CRY1: variants seen among roughly 807,000 people sequenced by gnomAD.
CRY1 encodes the protein cryptochrome circadian regulator 1.
CRY1 carries 45 observed loss-of-function variants against 76.0 expected under a neutral mutation model. The ratio of observed to expected loss-of-function variants is 0.59; its 90% CI spans 0.47 to 0.76. The LOEUF (loss-of-function observed/expected upper bound fraction) is 0.76. CRY1 is among the 30% of genes least tolerant of loss of function. The pLI, the probability that CRY1 is intolerant of heterozygous loss-of-function variation, is 0.00. For missense variants in CRY1, 587 were observed against 716.4 expected, an observed-to-expected ratio of 0.82 and a Z score of 2.06; for synonymous variants, 248 against 244.0, an observed-to-expected ratio of 1.02 and a Z score of -0.15.
At chr12:107,010,430 C>G (rs978106519) in intron 2 of CRY1, among the ~76,000 whole-genome samples, 20 of 152,180 alleles carry the variant, frequency 1.3e-4, no homozygotes, top group African/African-American at 4.1e-4. Flanking sequence ...ATTTATTGCA[C>G]TTCTCAGATA....
rs115638052 is a variant in CRY1 at position 107,048,425 on chromosome 12, A to T, written c.159-26233T>A. 8.1e-3 allele frequency among the ~76,000 whole-genome samples: 1,230 copies of T among 152,076 alleles called. 11 individuals are homozygous for T. Among genetic ancestry groups the T allele is most frequent in the African/African-American group, 0.028 (1,152 of 41,492 alleles). On this transcript the variant is annotated intron_variant, in intron 1 of 12. Transcript: ENST00000008527. ...ATACTTATGGTTTCTATTGCTCTTTATATCTTTCTGTATCTCTGTATTTCT... is the reference window on the plus strand; with the variant it reads ...ATACTTATGGTTTCTATTGCTCTTTTTATCTTTCTGTATCTCTGTATTTCT...
chr12:107,062,037 A>AG (rs1953054247), intron 1 of CRY1, among the ~76,000 whole-genome samples: 1 of 150,050 alleles, frequency 6.7e-6, no homozygotes, highest in Non-Finnish European at 1.5e-5. Flanking sequence ...AAAAAAAAAA[A>AG]AAAAAAAGAA....
chr12:107,093,204 C>T lies in CRY1; in HGVS notation c.-243G>A. 1 of 447,010 alleles carries T rather than the reference C, an allele frequency of 2.2e-6. No homozygotes were observed. Among genetic ancestry groups the T allele is most frequent in the Non-Finnish European group, 3.9e-6 (1 of 257,280 alleles). 27.7% of individuals were successfully genotyped at this position (447,010 alleles called of 1,614,324 possible). A position where few individuals can be genotyped will look rare whatever the true frequency, so the allele number is the denominator to read the frequency against. ...GTCCGGGTGTGACGCCCTTTAGGAG[C>T]CCGCGCCCGCCGCAACCGCCTGGAG... On this transcript the variant is annotated 5_prime_UTR_variant, in exon 1 of 13. Coordinates refer to ENST00000008527, the MANE Select transcript of CRY1 (RefSeq NM_004075.5).
At chr12:107,091,265 C>T (rs1040868284) in intron 1 of CRY1, among the ~76,000 whole-genome samples, 9 of 152,072 alleles carry the variant, frequency 5.9e-5, no homozygotes, top group South Asian at 4.1e-4. Context: ...AGGCTGGTCT[C>T]GAACTCCTGG....
intron 1 of CRY1, among the ~76,000 whole-genome samples, chr12:107,055,113 T>G (rs1282681208): frequency 6.6e-6 from 1 of 152,050 alleles, no homozygotes; most frequent in Non-Finnish European, 1.5e-5. Context: ...TGGAACATTT[T>G]TAAAAATTCA....
intron 7 of CRY1, among the ~76,000 whole-genome samples, chr12:106,999,140 G>A (rs1325508692): frequency 6.6e-6 from 1 of 151,220 alleles, no homozygotes; most frequent in Non-Finnish European, 1.5e-5. Context: ...CATAATAGAA[G>A]TATTACTAAA....
intron 10 of CRY1, among the ~76,000 whole-genome samples, chr12:106,993,648 C>T (rs12820777): frequency 0.044 from 6,669 of 152,026 alleles, 189 homozygotes; most frequent in Admixed American, 0.073. Flanking sequence ...GACCTATCCA[C>T]GAGCAGGTGG....
Position 107,093,501 on chromosome 12 carries a change from T to C in CRY1, c.-540A>G, listed in dbSNP as rs574739507. 6.6e-6 allele frequency: 1 copy of C among 152,356 alleles called. No homozygotes were observed. The highest frequency in any genetic ancestry group is 6.5e-5 in the Admixed American group (1 of 15,308). The allele number at this position is 152,356 out of a possible 1,614,324, so 9.4% of individuals were successfully genotyped here. A position where few individuals can be genotyped will look rare whatever the true frequency, so the allele number is the denominator to read the frequency against. On this transcript the variant is annotated 5_prime_UTR_variant, in exon 1 of 13. Transcript: ENST00000008527. ...GGCTAGAGGCGGTGGTCGAGGCCGC[T>C]GGACGGTTGCCGGCCGGTGACCGGT... is the stretch of plus-strand genomic sequence containing the variant.
At chr12:107,049,163 A>G (rs1478145703) in intron 1 of CRY1, among the ~76,000 whole-genome samples, 1 of 152,204 alleles carries the variant, frequency 6.6e-6, no homozygotes, top group South Asian at 2.1e-4. Flanking sequence ...AAGCTGAAAT[A>G]GTCCAGGGCT....
chr12:106,996,867 A>C (rs1422551244), intron 10 of CRY1, among the ~76,000 whole-genome samples: 1 of 152,224 alleles, frequency 6.6e-6, no homozygotes, highest in Non-Finnish European at 1.5e-5. Context: ...AGAAAAACTT[A>C]TGTGCAAAAA....
At chr12:107,072,753 C>T (rs940138007) in intron 1 of CRY1, among the ~76,000 whole-genome samples, 59 of 152,138 alleles carry the variant, frequency 3.9e-4, no homozygotes, top group African/African-American at 1.4e-3. Context: ...TTTAAAACTA[C>T]TACCAGTGTT....
At chr12:107,024,410 C>CTT (rs879273386) in intron 1 of CRY1, among the ~76,000 whole-genome samples, 15 of 145,382 alleles carry the variant, frequency 1.0e-4, no homozygotes, top group African/African-American at 3.3e-4. Flanking sequence ...AATAAACATT[C>CTT]TTTTTTTTTT....
chr12:107,070,439 C>T (rs995302263), intron 1 of CRY1, among the ~76,000 whole-genome samples: 2 of 151,908 alleles, frequency 1.3e-5, no homozygotes, highest in Non-Finnish European at 2.9e-5. Flanking sequence ...CATGAACACA[C>T]AGTTACAAAA....
At chr12:107,061,362 A>T (rs992889505) in intron 1 of CRY1, among the ~76,000 whole-genome samples, 1 of 151,636 alleles carries the variant, frequency 6.6e-6, no homozygotes, top group Admixed American at 6.6e-5. Flanking sequence ...TAATAAACTG[A>T]TTCCTAATAC....
intron 1 of CRY1, among the ~76,000 whole-genome samples, chr12:107,088,244 T>C (rs1593548877): frequency 6.6e-6 from 1 of 152,156 alleles, no homozygotes; most frequent in South Asian, 2.1e-4. Flanking sequence ...TCTCACTCTA[T>C]TAATTAACAG....
chr12:107,001,666 G>T, intron 4 of CRY1, 98 bp downstream of exon 4: 1 of 1,122,578 alleles, frequency 8.9e-7, no homozygotes, highest in Non-Finnish European at 1.2e-6. Flanking sequence ...CTCTCCTAAT[G>T]CAAAATACTT....
At chr12:107,054,171 A>T (rs991329626) in intron 1 of CRY1, among the ~76,000 whole-genome samples, 15 of 152,168 alleles carry the variant, frequency 9.9e-5, no homozygotes, top group African/African-American at 3.6e-4. Context: ...GTTTTTAAAA[A>T]CAAAAACAGA....
intron 1 of CRY1, among the ~76,000 whole-genome samples, chr12:107,047,069 T>C (rs1185658459): frequency 6.6e-6 from 1 of 152,234 alleles, no homozygotes; most frequent in Admixed American, 6.5e-5. Context: ...AGTTGTAGAA[T>C]ACACATTCTT....
chr12:107,036,123 T>C (rs1489289799), intron 1 of CRY1, among the ~76,000 whole-genome samples: 1 of 152,190 alleles, frequency 6.6e-6, no homozygotes, highest in Admixed American at 6.5e-5. Context: ...CTGGGAAACA[T>C]ACAGGGCTTT....
Sources: allele counts gnomAD v4.1 joint callset (sites outside exome capture counted in the v4.1 genomes callset), GRCh38; gene constraint gnomAD v4.1.1; transcripts MANE v1.5; gene names NCBI Gene and HGNC (gene_info 2026-07-23, HGNC 2026-07-21).